Variants in PAK1 observed in about 807,000 individuals in gnomAD.
PAK1 encodes the protein p21 (RAC1) activated kinase 1.
In PAK1, 29 loss-of-function variants were observed where a neutral mutation model predicts 67.4. The observed-to-expected ratio is 0.43, with a 90% CI of 0.32 to 0.59. The LOEUF is 0.59. PAK1 is among the 20% of genes least tolerant of loss of function. PAK1 has a pLI of 0.07. For synonymous variants in PAK1, 223 were observed against 237.4 expected (o/e 0.94, Z 0.56); for missense variants, 337 against 670.7 (o/e 0.50, Z 5.50).
chr11:77,349,467 G>A, intron 8 of PAK1, 180 bp from the exon 9 acceptor site: 1 of 605,120 alleles, frequency 1.7e-6, no homozygotes, highest in Non-Finnish European at 3.0e-6. Context: ...TACAGAGAAT[G>A]TAGGCTCTAG....
chr11:77,460,315 T>C (rs1419325744), intron 1 of PAK1, among the ~76,000 whole-genome samples: 2 of 135,688 alleles, frequency 1.5e-5, no homozygotes, highest in East Asian at 4.0e-4. Flanking sequence ...TATAAGGTTT[T>C]TTGTTTGCTT....
rs149052926 is a variant in PAK1 at position 77,379,617 on chromosome 11, T to C, written c.292-229A>G. 1.6e-3 allele frequency among the ~76,000 whole-genome samples: 243 copies of C among 152,276 alleles called. 1 individual carries two copies. The highest frequency in any genetic ancestry group is 3.4e-3 in the Middle Eastern group (1 of 294). On this transcript the variant is annotated intron_variant, in intron 3 of 14. Coordinates refer to ENST00000356341, the MANE Select transcript of PAK1 (RefSeq NM_002576.5). ...TCACCAGGCTATACCTCCAGGATGG[T>C]AGGATAGGATGTTGTTCCTGCATGA...
intron 14 of PAK1, among the ~76,000 whole-genome samples, chr11:77,326,552 G>A (rs1447590821): frequency 6.6e-6 from 1 of 152,172 alleles, no homozygotes; most frequent in Admixed American, 6.5e-5. Flanking sequence ...AGGTATGGTG[G>A]TGCACGCCTA....
the PAK1 span, among the ~76,000 whole-genome samples, chr11:77,509,462 A>G: frequency 1.3e-5 from 2 of 152,164 alleles, no homozygotes; most frequent in Non-Finnish European, 2.9e-5. Context: ...AAGCCTCTAA[A>G]TTTTCAGTAT....
At chr11:77,427,451 G>A (rs1955609809) in intron 1 of PAK1, among the ~76,000 whole-genome samples, 1 of 152,110 alleles carries the variant, frequency 6.6e-6, no homozygotes, top group South Asian at 2.1e-4. Flanking sequence ...CTCAGAAAGA[G>A]CTCTGGCACA....
At chr11:77,483,350 A>G in the PAK1 span, among the ~76,000 whole-genome samples, 1 of 152,236 alleles carries the variant, frequency 6.6e-6, no homozygotes, top group Admixed American at 6.5e-5. Flanking sequence ...CTGAAAAGGA[A>G]TAGACATGCT....
intron 9 of PAK1, chr11:77,347,081 TGGG>T: frequency 4.4e-6 from 2 of 456,258 alleles, no homozygotes; most frequent in Non-Finnish European, 8.8e-6. Context: ...TTATTCTCCC[TGGG>T]GCAGGAAATG....
chr11:77,474,105 A>C (rs1958009166), upstream of PAK1: 1 of 152,274 alleles, frequency 6.6e-6, no homozygotes. Context: ...GCCGCCCGGC[A>C]GGCCTGACCG....
the PAK1 span, among the ~76,000 whole-genome samples, chr11:77,522,087 A>G: frequency 4.6e-5 from 7 of 152,238 alleles, no homozygotes; most frequent in African/African-American, 1.7e-4. Flanking sequence ...GATTATTTGC[A>G]TAAAGTGCAG....
At chr11:77,428,024 A>G (rs981534714) in intron 1 of PAK1, among the ~76,000 whole-genome samples, 6 of 152,244 alleles carry the variant, frequency 3.9e-5, no homozygotes, top group African/African-American at 1.2e-4. Context: ...TGGAGTGCAC[A>G]GTATACCAAG....
chr11:77,456,196 C>A (rs1957071203), intron 1 of PAK1, among the ~76,000 whole-genome samples: 1 of 152,064 alleles, frequency 6.6e-6, no homozygotes, highest in Admixed American at 6.5e-5. Flanking sequence ...AAATACCATA[C>A]TAGAAGCTAT....
the PAK1 span, among the ~76,000 whole-genome samples, chr11:77,517,633 A>T: frequency 6.6e-6 from 1 of 152,126 alleles, no homozygotes; most frequent in South Asian, 2.1e-4. Context: ...TTCAGGATGA[A>T]ACCTGAAATA....
chr11:77,524,842 G>C, the PAK1 span, among the ~76,000 whole-genome samples: 1 of 152,046 alleles, frequency 6.6e-6, no homozygotes, highest in Admixed American at 6.5e-5. Context: ...ACAAATGTTT[G>C]TCAAAATAAT....
At chr11:77,376,077 G>A (rs1949043612) in intron 4 of PAK1, among the ~76,000 whole-genome samples, 1 of 152,106 alleles carries the variant, frequency 6.6e-6, no homozygotes, top group South Asian at 2.1e-4. Flanking sequence ...AAAGACTATA[G>A]ACTATCAACT....
At chr11:77,398,820 G>A (rs1220181819) in intron 1 of PAK1, among the ~76,000 whole-genome samples, 1 of 152,072 alleles carries the variant, frequency 6.6e-6, no homozygotes, top group Non-Finnish European at 1.5e-5. Flanking sequence ...TGTTCTTGAG[G>A]TAATTCTAGC....
In PAK1 at chr11:77,439,212, G is replaced by A. The variant is rs905087962; in HGVS notation, c.-22+34340C>T. On this transcript the variant is annotated intron_variant, in intron 1 of 14. Transcript: ENST00000356341. ...CAAGAAAATGAGTGCTTCTACTCTA[G>A]TTTTAAAACTAGAAGCCCTATAGAG... 3.9e-5 allele frequency among the ~76,000 whole-genome samples: 6 copies of A among 152,208 alleles called. No homozygotes were observed. The South Asian group carries it at 1.2e-3, about 32-fold the overall frequency.
chr11:77,357,352 A>G (rs1427333513), intron 6 of PAK1, among the ~76,000 whole-genome samples: 1 of 152,180 alleles, frequency 6.6e-6, no homozygotes, highest in Non-Finnish European at 1.5e-5. Context: ...CAAGACGCTG[A>G]GATCAGAGGC....
At chr11:77,413,964 G>A (rs148579663) in intron 1 of PAK1, among the ~76,000 whole-genome samples, 8 of 152,240 alleles carry the variant, frequency 5.3e-5, no homozygotes, top group Admixed American at 3.3e-4. Flanking sequence ...CCCACCCCAT[G>A]CAGCATCCTC....
intron 4 of PAK1, 117 bp downstream of exon 4, chr11:77,379,124 C>T: frequency 1.2e-6 from 1 of 860,716 alleles, no homozygotes; most frequent in Admixed American, 2.6e-5. Context: ...CGTTAAAGTG[C>T]CACTTCCACT....
Sources: gnomAD v4.1 joint callset for allele counts (sites outside exome capture counted in the v4.1 genomes callset) on GRCh38, gnomAD v4.1.1 for gene constraint, MANE v1.5 for transcripts, NCBI Gene and HGNC (gene_info 2026-07-23, HGNC 2026-07-21) for gene names.